Variants in CPNE4 observed in about 807,000 individuals in gnomAD.
CPNE4 encodes the protein copine 4.
CPNE4 carries 25 observed loss-of-function variants against 67.9 expected under a neutral mutation model. The observed-to-expected ratio is 0.37, with a 90% CI of 0.27 to 0.51. CPNE4 has a LOEUF of 0.51. Among genes scored for constraint, CPNE4 ranks in the 20% least tolerant of loss-of-function variants. CPNE4 has a pLI of 0.93. For missense variants in CPNE4, 464 were observed against 690.8 expected (o/e 0.67, Z 3.68); for synonymous variants, 242 against 244.9 (o/e 0.99, Z 0.11).
At chr3:131,634,751 A>G (rs2079330274) in intron 7 of CPNE4, among the ~76,000 whole-genome samples, 1 of 152,198 alleles carries the variant, frequency 6.6e-6, no homozygotes, top group Non-Finnish European at 1.5e-5. Context: ...GAAACTGTAA[A>G]GCTTAAAAAA....
chr3:131,876,277 AATAAATAC>A (rs1362582579), intron 2 of CPNE4, among the ~76,000 whole-genome samples: 1 of 133,032 alleles, frequency 7.5e-6, no homozygotes, highest in Non-Finnish European at 1.7e-5. Flanking sequence ...TAAATAAATA[AATAAATAC>A]GAATACAACC....
chr3:131,809,079 A>G (rs1323625805), intron 2 of CPNE4, among the ~76,000 whole-genome samples: 1 of 152,194 alleles, frequency 6.6e-6, no homozygotes, highest in African/African-American at 2.4e-5. Flanking sequence ...GTTACATAGC[A>G]AAGGGGAACT....
chr3:131,885,609 T>C (rs929287065), intron 2 of CPNE4, among the ~76,000 whole-genome samples: 22 of 152,204 alleles, frequency 1.4e-4, no homozygotes, highest in African/African-American at 4.8e-4. Context: ...GTTACATACG[T>C]ATACATTTGC....
intron 1 of CPNE4, among the ~76,000 whole-genome samples, chr3:131,929,823 T>G (rs1000851428): frequency 6.6e-6 from 1 of 152,192 alleles, no homozygotes; most frequent in Admixed American, 6.6e-5. Flanking sequence ...AAAGCCTTAC[T>G]GCTATTGAAT....
intron 7 of CPNE4, among the ~76,000 whole-genome samples, chr3:131,599,844 C>G (rs1939104409): frequency 6.6e-6 from 1 of 152,190 alleles, no homozygotes; most frequent in Non-Finnish European, 1.5e-5. Flanking sequence ...TGTCCCCAGG[C>G]TCTGTCTCCA....
intron 11 of CPNE4, among the ~76,000 whole-genome samples, chr3:131,563,826 A>T (rs1248805004): frequency 6.6e-6 from 1 of 152,040 alleles, no homozygotes; most frequent in Non-Finnish European, 1.5e-5. Flanking sequence ...TGTCTAATAG[A>T]CCTGTGCTTC....
chr3:131,549,600 G>A (rs2107641790), intron 14 of CPNE4, among the ~76,000 whole-genome samples: 2 of 152,250 alleles, frequency 1.3e-5, no homozygotes, highest in African/African-American at 4.8e-5. Context: ...ACCTTAAAAA[G>A]CAAGCTTATT....
At chr3:131,786,504 C>G (rs2083566340) in intron 2 of CPNE4, among the ~76,000 whole-genome samples, 1 of 152,122 alleles carries the variant, frequency 6.6e-6, no homozygotes, top group Non-Finnish European at 1.5e-5. Context: ...ATTACCTTTT[C>G]TAATGTAATC....
chr3:131,715,563 G>C (rs1475933620), intron 3 of CPNE4, among the ~76,000 whole-genome samples: 1 of 152,198 alleles, frequency 6.6e-6, no homozygotes, highest in Non-Finnish European at 1.5e-5. Flanking sequence ...GCTGTAAAAT[G>C]GTAATAATGG....
At chr3:131,997,212 C>A (rs1364846787) in intron 1 of CPNE4, among the ~76,000 whole-genome samples, 1 of 152,106 alleles carries the variant, frequency 6.6e-6, no homozygotes. Context: ...ATGGAAAGGG[C>A]AGACCACTCC....
chr3:131,886,608 T>A (rs2107731881), intron 2 of CPNE4, among the ~76,000 whole-genome samples: 1 of 152,288 alleles, frequency 6.6e-6, no homozygotes, highest in South Asian at 2.1e-4. Flanking sequence ...AGTGCCAGCC[T>A]GTGAAAGCAG....
chr3:131,827,988 C>A (rs9838870), intron 2 of CPNE4, among the ~76,000 whole-genome samples: 30,827 of 151,784 alleles, frequency 0.2, 3,893 homozygotes, highest in Non-Finnish European at 0.27. Flanking sequence ...GCAAAGAGCT[C>A]ATATTTCAAT....
chr3:131,656,654 T>C (rs2079977377), intron 7 of CPNE4, among the ~76,000 whole-genome samples: 1 of 152,220 alleles, frequency 6.6e-6, no homozygotes, highest in East Asian at 1.9e-4. Context: ...GTGAATTACA[T>C]AGGCCAGTTC....
chr3:131,935,932 T>C (rs1339553067), intron 1 of CPNE4, among the ~76,000 whole-genome samples: 1 of 151,978 alleles, frequency 6.6e-6, no homozygotes. Flanking sequence ...ATATGAATTC[T>C]CCTTTAAGCA....
chr3:131,556,186 C>G (rs1176592395), intron 11 of CPNE4, among the ~76,000 whole-genome samples: 1 of 151,930 alleles, frequency 6.6e-6, no homozygotes, highest in Non-Finnish European at 1.5e-5. Flanking sequence ...CCAGTCTGGC[C>G]AACATGGAGA....
intron 11 of CPNE4, among the ~76,000 whole-genome samples, chr3:131,555,770 C>T (rs897815805): frequency 6.6e-6 from 1 of 152,026 alleles, no homozygotes; most frequent in African/African-American, 2.4e-5. Flanking sequence ...CATTAGTCTA[C>T]AACTTCCTCC....
At chr3:131,992,477 C>A (rs922706126) in intron 1 of CPNE4, among the ~76,000 whole-genome samples, 3 of 136,716 alleles carry the variant, frequency 2.2e-5, no homozygotes, top group Admixed American at 8.1e-5. Context: ...ATGTTTGTAT[C>A]CCCATTGTAT....
At chr3:131,569,864 T>TG in intron 10 of CPNE4, among the ~76,000 whole-genome samples, 1 of 151,996 alleles carries the variant, frequency 6.6e-6, no homozygotes, top group East Asian at 1.9e-4. Flanking sequence ...TCTTCAATTT[T>TG]TAAAAATGAC....
intron 2 of CPNE4, among the ~76,000 whole-genome samples, chr3:131,848,264 G>A (rs2086081472): frequency 1.3e-5 from 2 of 151,992 alleles, no homozygotes; most frequent in Admixed American, 6.6e-5. Context: ...GAGGTCACAA[G>A]CAAATAAAAA....
Sources: gnomAD v4.1 joint callset for allele counts (sites outside exome capture counted in the v4.1 genomes callset) on GRCh38, gnomAD v4.1.1 for gene constraint, MANE v1.5 for transcripts, NCBI Gene and HGNC (gene_info 2026-07-23, HGNC 2026-07-21) for gene names.